Variants in SLC2A13 observed in about 807,000 individuals in gnomAD.
SLC2A13 encodes proton myo-inositol cotransporter.
SLC2A13 carries 32 observed loss-of-function variants against 64.4 expected under a neutral mutation model. The ratio of observed to expected loss-of-function variants is 0.50; its 90% CI spans 0.37 to 0.67. The LOEUF (loss-of-function observed/expected upper bound fraction) is 0.67, where lower values mean the gene tolerates loss of function less well. Among genes scored for constraint, SLC2A13 ranks in the 30% least tolerant of loss-of-function variants. SLC2A13 has a pLI of 0.00. For synonymous variants in SLC2A13, 338 were observed against 327.1 expected (o/e 1.03, Z -0.36); for missense variants, 743 against 829.2 (o/e 0.90, Z 1.28).
intron 2 of SLC2A13, among the ~76,000 whole-genome samples, chr12:40,035,241 G>C (rs557121080): frequency 3.9e-5 from 6 of 152,260 alleles, no homozygotes; most frequent in African/African-American, 1.4e-4. Flanking sequence ...TCAATAACTA[G>C]ATATTTACAT....
chr12:40,104,732 G>A (rs1939246672), intron 1 of SLC2A13, among the ~76,000 whole-genome samples: 1 of 152,204 alleles, frequency 6.6e-6, no homozygotes, highest in Admixed American at 6.5e-5. Flanking sequence ...GAGGGCAGGG[G>A]TCGCTAATAA....
At chr12:39,836,136 C>A (rs1178460079) in intron 6 of SLC2A13, among the ~76,000 whole-genome samples, 3 of 152,040 alleles carry the variant, frequency 2.0e-5, no homozygotes, top group Non-Finnish European at 4.4e-5. Context: ...AAGGACATTA[C>A]AATATTTAGA....
chr12:40,063,295 AC>A (rs1309861046), intron 1 of SLC2A13, among the ~76,000 whole-genome samples: 1 of 152,090 alleles, frequency 6.6e-6, no homozygotes, highest in Non-Finnish European at 1.5e-5. Flanking sequence ...AGACAGAAAA[AC>A]CAGTTACAGG....
intron 1 of SLC2A13, among the ~76,000 whole-genome samples, chr12:40,096,463 G>T (rs900180914): frequency 1.3e-5 from 2 of 150,470 alleles, no homozygotes; most frequent in East Asian, 1.9e-4. Flanking sequence ...CTGCTTTGAG[G>T]TTTTAAAAAT....
chr12:40,021,515 T>C (rs1947718290), intron 3 of SLC2A13, among the ~76,000 whole-genome samples: 1 of 152,226 alleles, frequency 6.6e-6, no homozygotes, highest in Non-Finnish European at 1.5e-5. Flanking sequence ...AAGTAGCTTT[T>C]TATCTGACCT....
intron 4 of SLC2A13, among the ~76,000 whole-genome samples, chr12:39,889,661 T>C (rs1944554377): frequency 6.6e-6 from 1 of 151,114 alleles, no homozygotes; most frequent in Non-Finnish European, 1.5e-5. Flanking sequence ...GTCTCCTGAG[T>C]AGCTGGGACT....
chr12:39,891,179 C>A (rs772404028), intron 4 of SLC2A13, among the ~76,000 whole-genome samples: 1 of 149,488 alleles, frequency 6.7e-6, no homozygotes, highest in Non-Finnish European at 1.5e-5. Flanking sequence ...CTCTGGGAAA[C>A]CTTCACCAGC....
intron 4 of SLC2A13, among the ~76,000 whole-genome samples, chr12:39,907,098 T>C (rs1409330384): frequency 6.6e-6 from 1 of 152,160 alleles, no homozygotes; most frequent in African/African-American, 2.4e-5. Flanking sequence ...GCTATCATAT[T>C]CATGCTTAAT....
At chr12:39,906,639 G>A (rs991900049) in intron 4 of SLC2A13, among the ~76,000 whole-genome samples, 1 of 152,058 alleles carries the variant, frequency 6.6e-6, no homozygotes, top group Non-Finnish European at 1.5e-5. Flanking sequence ...ATGTTTCCAG[G>A]CAACCAAAAG....
chr12:40,106,006 C>G lies in SLC2A13; in HGVS notation c.-198G>C, dbSNP rs998004384. Reference sequence around the variant, plus strand: ...AGTTGCTGCCCGCCGCGCTCCGACGCTGCGGAGTTGGAGCCCGGCGGGTCT... The same window carrying G: ...AGTTGCTGCCCGCCGCGCTCCGACGGTGCGGAGTTGGAGCCCGGCGGGTCT... On this transcript the variant is annotated 5_prime_UTR_variant, in exon 1 of 10. Transcript: ENST00000280871. 1 of 567,370 alleles carries G rather than the reference C, an allele frequency of 1.8e-6. No individual in the cohort carries two copies. The highest frequency in any genetic ancestry group is 4.5e-5 in the Admixed American group (1 of 22,212). The allele number at this position is 567,370 out of a possible 1,614,324, so 35.1% of individuals were successfully genotyped here.
intron 1 of SLC2A13, among the ~76,000 whole-genome samples, chr12:40,073,866 T>G (rs1475368734): frequency 1.3e-5 from 2 of 152,130 alleles, no homozygotes; most frequent in Non-Finnish European, 2.9e-5. Flanking sequence ...ACATAGCTAT[T>G]CTGCCATTTA....
intron 7 of SLC2A13, 148 bp downstream of exon 7, chr12:39,829,955 C>T (rs1339476106): frequency 2.0e-6 from 2 of 976,680 alleles, no homozygotes; most frequent in East Asian, 5.4e-5. Context: ...TGCTTTGCAT[C>T]CACTATCACC....
chr12:40,078,514 C>T (rs567104551), intron 1 of SLC2A13, among the ~76,000 whole-genome samples: 5 of 152,092 alleles, frequency 3.3e-5, no homozygotes, highest in Non-Finnish European at 5.9e-5. Flanking sequence ...ATTAGCTTTT[C>T]GATGTGCTGC....
chr12:39,910,818 C>G (rs1159629647), intron 4 of SLC2A13, among the ~76,000 whole-genome samples: 1 of 152,084 alleles, frequency 6.6e-6, no homozygotes, highest in South Asian at 2.1e-4. Context: ...GGTGTGGTAG[C>G]TCATGCCTGT....
At chr12:39,786,898 A>G (rs6581337) in intron 7 of SLC2A13, among the ~76,000 whole-genome samples, 149,271 of 152,350 alleles carry the variant, frequency 0.98, 73,138 homozygotes, top group East Asian at 1. Flanking sequence ...TTGTCCACTT[A>G]CCTTTGTTCT....
chr12:39,762,573 G>A (rs1940195289), intron 9 of SLC2A13, among the ~76,000 whole-genome samples: 1 of 151,968 alleles, frequency 6.6e-6, no homozygotes, highest in Admixed American at 6.6e-5. Context: ...TAAGCAATAT[G>A]GTTGAGGAAG....
chr12:40,023,365 C>T (rs28370782), intron 3 of SLC2A13, among the ~76,000 whole-genome samples: 3,530 of 152,236 alleles, frequency 0.023, 144 homozygotes, highest in African/African-American at 0.08. Flanking sequence ...GCTCCTGCAG[C>T]GGGGCCAGGG....
In SLC2A13 at chr12:40,106,050, C is replaced by G. The variant is rs970800489; in HGVS notation, c.-242G>C. On this transcript the variant is annotated 5_prime_UTR_variant, in exon 1 of 10. Transcript: ENST00000280871. ...CGGGTCTCACTCCACACTCACGCCC[C>G]GCGCCTGCCGAGCTGGCGCTGCGGA... is the stretch of plus-strand genomic sequence containing the variant. 1 of 371,342 alleles carries G rather than the reference C, an allele frequency of 2.7e-6. No homozygotes were observed. The highest frequency in any genetic ancestry group is 4.6e-6 in the Non-Finnish European group (1 of 215,220). 23.0% of individuals were successfully genotyped at this position (371,342 alleles called of 1,614,324 possible). A position where few individuals can be genotyped will look rare whatever the true frequency, so the allele number is the denominator to read the frequency against.
chr12:40,058,042 CAGATAGAT>C (rs10534370), intron 1 of SLC2A13, among the ~76,000 whole-genome samples: 5,676 of 145,180 alleles, frequency 0.039, 160 homozygotes, highest in East Asian at 0.089. Flanking sequence ...AATTTCTCTC[CAGATAGAT>C]AGATAGATAG....
Sources: allele counts gnomAD v4.1 joint callset (sites outside exome capture counted in the v4.1 genomes callset), GRCh38; gene constraint gnomAD v4.1.1; transcripts MANE v1.5; gene names NCBI Gene and HGNC (gene_info 2026-07-23, HGNC 2026-07-21).